DPF3: variants seen among roughly 807,000 people sequenced by gnomAD.
DPF3 encodes double PHD fingers 3, also known as zinc finger protein DPF3.
DPF3 carries 18 observed loss-of-function variants against 56.8 expected under a neutral mutation model. The observed-to-expected ratio is 0.32, with a 90% CI of 0.22 to 0.47. DPF3 has a LOEUF of 0.47. DPF3 is among the 20% of genes least tolerant of loss of function. The pLI is 1.00. For synonymous variants in DPF3, 188 were observed against 180.2 expected, an observed-to-expected ratio of 1.04 and a Z score of -0.35; for missense variants, 403 against 488.8, an observed-to-expected ratio of 0.82 and a Z score of 1.65.
intron 7 of DPF3, among the ~76,000 whole-genome samples, chr14:72,692,645 A>C (rs1887738653): frequency 6.6e-6 from 1 of 152,206 alleles, no homozygotes; most frequent in African/African-American, 2.4e-5. Context: ...CCACAGCAAT[A>C]GATAAGAATA....
chr14:72,804,181 ACAC>A (rs1892997286), intron 1 of DPF3, among the ~76,000 whole-genome samples: 1 of 40,436 alleles, frequency 2.5e-5, no homozygotes, highest in African/African-American at 4.1e-4. Context: ...GCTTTCCAGG[ACAC>A]ACACACACAC....
chr14:72,719,114 G>A (rs1467137894), intron 5 of DPF3, among the ~76,000 whole-genome samples: 1 of 134,892 alleles, frequency 7.4e-6, no homozygotes. Flanking sequence ...CTGTCACTAG[G>A]GCTGGAGTGC....
intron 8 of DPF3, among the ~76,000 whole-genome samples, chr14:72,647,880 A>T (rs1031996729): frequency 5.3e-5 from 8 of 152,188 alleles, no homozygotes; most frequent in African/African-American, 1.7e-4. Flanking sequence ...GACACCATCA[A>T]TTCTTTAATC....
chr14:72,633,382 A>C (rs1310726567), intron 8 of DPF3, among the ~76,000 whole-genome samples: 1 of 152,160 alleles, frequency 6.6e-6, no homozygotes, highest in Non-Finnish European at 1.5e-5. Context: ...ATCTAGGGAA[A>C]GAAAGGAAGA....
At chr14:72,828,714 C>T (rs1883926540) in intron 1 of DPF3, among the ~76,000 whole-genome samples, 1 of 151,962 alleles carries the variant, frequency 6.6e-6, no homozygotes, top group Admixed American at 6.6e-5. Flanking sequence ...GGAGGCTGGG[C>T]CCAAACAACG....
At chr14:72,654,524 G>T (rs1214595762) in intron 8 of DPF3, among the ~76,000 whole-genome samples, 1 of 152,244 alleles carries the variant, frequency 6.6e-6, no homozygotes, top group Middle Eastern at 3.4e-3. Flanking sequence ...CAGTGGAGAA[G>T]CCTTTAGAGC....
At chr14:72,653,136 G>A (rs916762064) in intron 8 of DPF3, among the ~76,000 whole-genome samples, 2 of 152,218 alleles carry the variant, frequency 1.3e-5, no homozygotes, top group African/African-American at 2.4e-5. Flanking sequence ...AGGAAGACCC[G>A]GAGTCTAGTC....
chr14:72,858,360 C>A (rs1010700964), intron 1 of DPF3, among the ~76,000 whole-genome samples: 6 of 148,698 alleles, frequency 4.0e-5, no homozygotes, highest in African/African-American at 7.3e-5. Flanking sequence ...TGTGCACTTA[C>A]CCACTCTGCT....
At chr14:72,820,930 A>G (rs1202363441) in intron 1 of DPF3, among the ~76,000 whole-genome samples, 1 of 151,828 alleles carries the variant, frequency 6.6e-6, no homozygotes, top group African/African-American at 2.4e-5. Flanking sequence ...CCAGGAGTTC[A>G]AGACCAGCCT....
intron 1 of DPF3, among the ~76,000 whole-genome samples, chr14:72,852,675 T>C (rs1217364688): frequency 6.6e-6 from 1 of 152,246 alleles, no homozygotes; most frequent in African/African-American, 2.4e-5. Context: ...GGAAAACTTG[T>C]ATGTCATTGG....
chr14:72,698,272 G>C (rs1237889094), intron 6 of DPF3, among the ~76,000 whole-genome samples: 1 of 152,200 alleles, frequency 6.6e-6, no homozygotes, highest in Non-Finnish European at 1.5e-5. Context: ...CTATACAGCT[G>C]TTCTGTTTTT....
intron 3 of DPF3, among the ~76,000 whole-genome samples, chr14:72,752,612 G>A (rs150243378): frequency 1.3e-5 from 2 of 152,296 alleles, no homozygotes; most frequent in African/African-American, 2.4e-5. Context: ...GCAGTGAGCC[G>A]AGATTGCACA....
At chr14:72,788,012 T>C (rs929731472) in intron 1 of DPF3, among the ~76,000 whole-genome samples, 1 of 152,182 alleles carries the variant, frequency 6.6e-6, no homozygotes, top group East Asian at 1.9e-4. Flanking sequence ...TGGAGAGTAC[T>C]GTAAGGTGAA....
intron 8 of DPF3, among the ~76,000 whole-genome samples, chr14:72,651,105 G>T (rs1030171155): frequency 2.6e-5 from 4 of 152,194 alleles, no homozygotes; most frequent in Admixed American, 2.6e-4. Flanking sequence ...ACTTGCTCAG[G>T]GTACAGGAAG....
intron 7 of DPF3, among the ~76,000 whole-genome samples, chr14:72,691,678 G>A (rs1407599242): frequency 2.0e-5 from 3 of 151,414 alleles, no homozygotes; most frequent in Non-Finnish European, 4.4e-5. Flanking sequence ...AGTGAGCCAA[G>A]ATCACGCCAC....
At chr14:72,780,975 T>C (rs1170812352) in intron 1 of DPF3, among the ~76,000 whole-genome samples, 2 of 152,216 alleles carry the variant, frequency 1.3e-5, no homozygotes, top group Non-Finnish European at 2.9e-5. Context: ...ATTCTGATTC[T>C]AGAGGCTTGG....
intron 1 of DPF3, among the ~76,000 whole-genome samples, chr14:72,876,546 A>G (rs1057130331): frequency 6.6e-6 from 1 of 151,328 alleles, no homozygotes; most frequent in African/African-American, 2.4e-5. Context: ...CCCCCCACCT[A>G]CTCCCAACCA....
At chr14:72,621,651 G>A (rs1259955706) in intron 9 of DPF3, among the ~76,000 whole-genome samples, 1 of 152,186 alleles carries the variant, frequency 6.6e-6, no homozygotes, top group Non-Finnish European at 1.5e-5. Flanking sequence ...ATACCCAGTG[G>A]GGGAGAGGTT....
At chr14:72,665,333 T>C (rs1313854977) in intron 8 of DPF3, among the ~76,000 whole-genome samples, 2 of 152,248 alleles carry the variant, frequency 1.3e-5, no homozygotes, top group Non-Finnish European at 2.9e-5. Context: ...CATACTGTTA[T>C]TACTCAGTCC....
Sources: gnomAD v4.1 joint callset for allele counts (sites outside exome capture counted in the v4.1 genomes callset) on GRCh38, gnomAD v4.1.1 for gene constraint, MANE v1.5 for transcripts, NCBI Gene and HGNC (gene_info 2026-07-23, HGNC 2026-07-21) for gene names.